Variants in ZNF385D observed in about 807,000 individuals in gnomAD.
ZNF385D encodes zinc finger protein 385D.
Under a neutral mutation model 35.8 loss-of-function variants are expected in ZNF385D, and 15 were observed. That is an observed-to-expected ratio of 0.42 (90% CI 0.28 to 0.64). The LOEUF is 0.64. Among genes scored for constraint, ZNF385D ranks in the 30% least tolerant of loss-of-function variants. The pLI is 0.23. For synonymous variants in ZNF385D, 212 were observed against 186.8 expected (o/e 1.13, Z -1.10); for missense variants, 474 against 494.6 (o/e 0.96, Z 0.39).
At chr3:21,707,300 T>C (rs1002467081) in intron 1 of ZNF385D, among the ~76,000 whole-genome samples, 4 of 152,216 alleles carry the variant, frequency 2.6e-5, no homozygotes, top group African/African-American at 9.6e-5. Context: ...TGATTTACTA[T>C]AAATTGTGCA....
chr3:22,095,081 ATTCT>A (rs1368589622), intron 3 of ZNF385D, among the ~76,000 whole-genome samples: 9 of 130,732 alleles, frequency 6.9e-5, no homozygotes, highest in African/African-American at 2.2e-4. Flanking sequence ...TTATTTTTTC[ATTCT>A]TTCTTTTTTT....
At chr3:21,717,213 T>A (rs2068358026) in intron 1 of ZNF385D, among the ~76,000 whole-genome samples, 2 of 152,164 alleles carry the variant, frequency 1.3e-5, no homozygotes, top group Admixed American at 1.3e-4. Flanking sequence ...AGGCACTGAC[T>A]GAAAAAATAC....
intron 2 of ZNF385D, among the ~76,000 whole-genome samples, chr3:21,571,186 A>AGATAGTATTTTTACCTGC (rs1303741319): frequency 6.6e-6 from 1 of 152,226 alleles, no homozygotes; most frequent in Non-Finnish European, 1.5e-5. Context: ...AGATATCACC[A>AGATAGTATTTTTACCTGC]GATAGTATTT....
intron 3 of ZNF385D, among the ~76,000 whole-genome samples, chr3:21,928,359 G>GAAGGA (rs1314003471): frequency 2.7e-5 from 4 of 150,900 alleles, no homozygotes; most frequent in Non-Finnish European, 5.9e-5. Context: ...ACGAAGGAAG[G>GAAGGA]AAGGAAAGGA....
At chr3:22,161,279 T>A (rs985654018) in intron 3 of ZNF385D, among the ~76,000 whole-genome samples, 1 of 152,118 alleles carries the variant, frequency 6.6e-6, no homozygotes, top group African/African-American at 2.4e-5. Flanking sequence ...ATATTTCTTA[T>A]TCATACTTGC....
intron 2 of ZNF385D, among the ~76,000 whole-genome samples, chr3:21,643,224 GC>G (rs1462846178): frequency 6.6e-6 from 1 of 152,128 alleles, no homozygotes; most frequent in Non-Finnish European, 1.5e-5. Context: ...AGAAATGCAT[GC>G]TCATGTAAGA....
chr3:21,851,800 T>C (rs776114261), intron 3 of ZNF385D, among the ~76,000 whole-genome samples: 5 of 151,974 alleles, frequency 3.3e-5, no homozygotes, highest in African/African-American at 4.8e-5. Context: ...CATTTTATCC[T>C]TCTACTTCTT....
chr3:22,353,660 C>G (rs933641342), intron 2 of ZNF385D, among the ~76,000 whole-genome samples: 4 of 152,116 alleles, frequency 2.6e-5, no homozygotes, highest in East Asian at 1.9e-4. Flanking sequence ...CTTTTCAAAA[C>G]TACTTTTGTC....
chr3:22,292,610 C>G (rs572772617), intron 2 of ZNF385D, among the ~76,000 whole-genome samples: 1 of 152,008 alleles, frequency 6.6e-6, no homozygotes, highest in Non-Finnish European at 1.5e-5. Context: ...GGTTCTTTCA[C>G]ACGGCTAATT....
rs1700001746 is a variant in ZNF385D at position 22,067,188 on chromosome 3, C to T, written c.325+101629G>A. Among the ~76,000 whole-genome samples the T allele has an allele frequency of 2.0e-5, 3 of 152,260 alleles. 1 individual carries two copies. Among genetic ancestry groups the T allele is most frequent in the Admixed American group, 6.5e-5 (1 of 15,290 alleles). On this transcript the variant is annotated intron_variant, in intron 3 of 5. Transcript: ENST00000494108. ...GTCTCTGTTTTATTCATCACACTGC[C>T]TGTTGAGTTTATATCACTGGCTTCA...
At chr3:22,351,416 C>A (rs919277584) in intron 2 of ZNF385D, among the ~76,000 whole-genome samples, 12 of 151,966 alleles carry the variant, frequency 7.9e-5, no homozygotes. Context: ...TACTAAGACA[C>A]AAGAGATATA....
At chr3:21,439,694 C>T (rs935424027) in intron 4 of ZNF385D, among the ~76,000 whole-genome samples, 3 of 152,012 alleles carry the variant, frequency 2.0e-5, no homozygotes, top group East Asian at 1.9e-4. Flanking sequence ...AGGAATCTTT[C>T]GATTCCTGTG....
At chr3:21,544,991 T>C (rs902031815) in intron 3 of ZNF385D, among the ~76,000 whole-genome samples, 13 of 152,194 alleles carry the variant, frequency 8.5e-5, no homozygotes, top group African/African-American at 3.1e-4. Context: ...TCAATCTTCC[T>C]TAGGTTATAT....
At chr3:21,954,634 T>C (rs768731448) in intron 3 of ZNF385D, among the ~76,000 whole-genome samples, 10 of 152,220 alleles carry the variant, frequency 6.6e-5, no homozygotes, top group Admixed American at 5.2e-4. Context: ...TCCTAACAAC[T>C]CAGTGGCAAC....
chr3:22,248,678 T>C (rs1017364887), intron 2 of ZNF385D, among the ~76,000 whole-genome samples: 4 of 152,122 alleles, frequency 2.6e-5, no homozygotes, highest in African/African-American at 9.7e-5. Flanking sequence ...ACAGGGGAAA[T>C]TAATTCCTAT....
intron 3 of ZNF385D, among the ~76,000 whole-genome samples, chr3:21,934,851 T>A (rs538704460): frequency 1.4e-4 from 21 of 152,198 alleles, no homozygotes; most frequent in African/African-American, 4.8e-4. Context: ...ATTAATTTGG[T>A]TTTTTCACAT....
Position 21,751,151 on chromosome 3 carries a change from T to G in ZNF385D, c.-235A>C. On this transcript the variant is annotated 5_prime_UTR_variant, in exon 1 of 8. It removes an upstream start codon present in the reference 5' UTR. Coordinates refer to ENST00000281523, the MANE Select transcript of ZNF385D (RefSeq NM_024697.3). ...CTCGGGCTGCCTGCTGCACTGCCCA[T>G]CCTTACTGTAATCCGACTCCTCCTT... 3 of 1,433,794 alleles carry G rather than the reference T, an allele frequency of 2.1e-6. No homozygotes were observed. Among genetic ancestry groups the G allele is most frequent in the Middle Eastern group, 2.6e-4 (1 of 3,812 alleles). The allele number at this position is 1,433,794 out of a possible 1,614,324, so 88.8% of individuals were successfully genotyped here.
chr3:21,945,429 A>G (rs1003060318), intron 3 of ZNF385D, among the ~76,000 whole-genome samples: 15 of 152,158 alleles, frequency 9.9e-5, no homozygotes, highest in Non-Finnish European at 2.2e-4. Flanking sequence ...AAACATTTTA[A>G]GCCTGGTTTT....
intron 1 of ZNF385D, among the ~76,000 whole-genome samples, chr3:21,703,597 AAAC>A (rs1302227620): frequency 3.9e-5 from 6 of 152,148 alleles, no homozygotes; most frequent in Non-Finnish European, 8.8e-5. Flanking sequence ...TGTGTAAAAT[AAAC>A]TTTTTAAATA....
Sources: gnomAD v4.1 joint callset for allele counts (sites outside exome capture counted in the v4.1 genomes callset) on GRCh38, gnomAD v4.1.1 for gene constraint, MANE v1.5 for transcripts, NCBI Gene and HGNC (gene_info 2026-07-23, HGNC 2026-07-21) for gene names.